SEMA3E: variants seen among roughly 807,000 people sequenced by gnomAD.
The protein encoded by SEMA3E is semaphorin-3E.
In SEMA3E, 49 loss-of-function variants were observed where a neutral mutation model predicts 93.6. The observed-to-expected ratio is 0.52, with a 90% CI of 0.42 to 0.66. The LOEUF (loss-of-function observed/expected upper bound fraction) is 0.66, where lower values mean the gene tolerates loss of function less well. SEMA3E is among the 30% of genes least tolerant of loss of function. The pLI, the probability that SEMA3E is intolerant of heterozygous loss-of-function variation, is 0.00. For missense variants in SEMA3E, 906 were observed against 964.8 expected, an observed-to-expected ratio of 0.94 and a Z score of 0.81; for synonymous variants, 363 against 330.7, an observed-to-expected ratio of 1.10 and a Z score of -1.06.
chr7:83,452,840 G>A (rs2115826039), intron 4 of SEMA3E, among the ~76,000 whole-genome samples: 1 of 152,182 alleles, frequency 6.6e-6, no homozygotes, highest in South Asian at 2.1e-4. Flanking sequence ...GACAGTGTCA[G>A]GCTCACCTTT....
intron 14 of SEMA3E, among the ~76,000 whole-genome samples, chr7:83,392,321 A>G (rs559101850): frequency 6.6e-6 from 1 of 152,168 alleles, no homozygotes; most frequent in Non-Finnish European, 1.5e-5. Context: ...TCGTTTCCAC[A>G]TTTTAACTTT....
chr7:83,451,514 T>C lies in SEMA3E; in HGVS notation c.456+14968A>G, dbSNP rs554215167. ...ATTCCATAGTTATTTACTACTAGATTCTAAGCACTTAAGGGTTTTGAGGAG... is the reference window on the plus strand; with the variant it reads ...ATTCCATAGTTATTTACTACTAGATCCTAAGCACTTAAGGGTTTTGAGGAG... On this transcript the variant is annotated intron_variant, in intron 4 of 16. Transcript: ENST00000643230. 7.0e-4 allele frequency among the ~76,000 whole-genome samples: 107 copies of C among 152,336 alleles called. 1 individual carries two copies. The highest frequency in any genetic ancestry group is 2.4e-3 in the African/African-American group (100 of 41,582).
chr7:83,502,956 T>A (rs531815541), intron 1 of SEMA3E, among the ~76,000 whole-genome samples: 1 of 151,944 alleles, frequency 6.6e-6, no homozygotes, highest in Non-Finnish European at 1.5e-5. Context: ...GCCGTAAGAA[T>A]CAAATGATTC....
At position 83,366,526 on chromosome 7, in the gene SEMA3E, T is replaced by C. The variant is rs879025558; in HGVS notation, c.*1060A>G. 6.6e-6 allele frequency: 1 copy of C among 152,104 alleles called. No individual in the cohort carries two copies. Among genetic ancestry groups the C allele is most frequent in the South Asian group, 2.1e-4 (1 of 4,830 alleles). The allele number at this position is 152,104 out of a possible 1,614,324, so 9.4% of individuals were successfully genotyped here. On this transcript the variant is annotated 3_prime_UTR_variant, in exon 17 of 17. Transcript: ENST00000643230. Reference sequence around the variant, plus strand: ...CAAATAAAACACGGTTGTTATAGTATATTTTAGATTTCAGCGAAGATTATT... The same window carrying C: ...CAAATAAAACACGGTTGTTATAGTACATTTTAGATTTCAGCGAAGATTATT...
intron 4 of SEMA3E, among the ~76,000 whole-genome samples, chr7:83,450,697 CAT>C (rs1431888652): frequency 6.7e-6 from 1 of 150,084 alleles, no homozygotes; most frequent in Admixed American, 6.7e-5. Flanking sequence ...GAAAAAAAAT[CAT>C]AGGTTATCTT....
chr7:83,490,240 A>G lies in SEMA3E; in HGVS notation c.150T>C (p.His50=). 2 of 1,612,906 alleles carry G rather than the reference A, an allele frequency of 1.2e-6. No individual in the cohort carries two copies. Among genetic ancestry groups the G allele is most frequent in the Non-Finnish European group, 1.7e-6 (2 of 1,179,404 alleles). Residue 50 remains histidine, a synonymous_variant, in exon 2 of 17, where the codon CAT becomes CAC. Coordinates refer to ENST00000643230, the MANE Select transcript of SEMA3E (RefSeq NM_012431.3). ...LLNLNRTSIF[H]SPFGFLDLHT... ...GGAGATCAAGAAATCCAAAAGGGCT[A>G]TGAAATATTGATGTTCTGTTCAGAT... is the stretch of plus-strand genomic sequence containing the variant.
At chr7:83,617,908 T>C (rs1254547563) in intron 1 of SEMA3E, among the ~76,000 whole-genome samples, 1 of 152,018 alleles carries the variant, frequency 6.6e-6, no homozygotes, top group Non-Finnish European at 1.5e-5. Context: ...TGTCCATTGC[T>C]CCTAAATAAA....
Position 83,618,668 on chromosome 7 carries a change from A to T in SEMA3E, c.115+29760T>A, listed in dbSNP as rs570195245. 2.0e-5 allele frequency among the ~76,000 whole-genome samples: 3 copies of T among 152,132 alleles called. No individual in the cohort carries two copies. The East Asian group carries it at 5.8e-4, about 29-fold the overall frequency. ...ATTTTTGTTGCTGTTGTTAAAATAA[A>T]ATAGCTTTACAGGCATTCTAATTAT... On this transcript the variant is annotated intron_variant, in intron 1 of 16. Coordinates refer to ENST00000643230, the MANE Select transcript of SEMA3E (RefSeq NM_012431.3).
At chr7:83,585,376 AT>A (rs778448119) in intron 1 of SEMA3E, among the ~76,000 whole-genome samples, 2 of 152,084 alleles carry the variant, frequency 1.3e-5, no homozygotes, top group African/African-American at 2.4e-5. Context: ...AAGGGCCAGC[AT>A]TTTCTTGTTT....
intron 1 of SEMA3E, among the ~76,000 whole-genome samples, chr7:83,561,237 T>C (rs1186289718): frequency 1.3e-5 from 2 of 152,044 alleles, no homozygotes; most frequent in African/African-American, 4.8e-5. Flanking sequence ...CGCACCTTGA[T>C]CTCTATAATC....
Position 83,598,903 on chromosome 7 carries a change from T to C in SEMA3E, c.115+49525A>G, listed in dbSNP as rs550203446. Among the ~76,000 whole-genome samples, 56 of 152,314 alleles carry C rather than the reference T, an allele frequency of 3.7e-4. 1 individual carries two copies. The highest frequency in any genetic ancestry group is 2.5e-4 in the Non-Finnish European group (17 of 68,022). ...ATCTTTATACCTCTTTGACATAAAA[T>C]ATGTGGCACTCATTAAATGTCAGTT... On this transcript the variant is annotated intron_variant, in intron 1 of 16. Transcript: ENST00000643230.
chr7:83,545,786 T>C (rs1437222571), intron 1 of SEMA3E, among the ~76,000 whole-genome samples: 2 of 146,086 alleles, frequency 1.4e-5, no homozygotes, highest in Non-Finnish European at 3.0e-5. Flanking sequence ...GTAGAATGTG[T>C]GTATATATAT....
intron 1 of SEMA3E, among the ~76,000 whole-genome samples, chr7:83,516,779 T>C (rs1387232618): frequency 6.6e-6 from 1 of 152,058 alleles, no homozygotes; most frequent in Non-Finnish European, 1.5e-5. Flanking sequence ...CTTCTTCCCC[T>C]GCTACGTTAT....
At chr7:83,420,299 T>C (rs1486476997) in intron 4 of SEMA3E, among the ~76,000 whole-genome samples, 3 of 152,052 alleles carry the variant, frequency 2.0e-5, no homozygotes, top group Non-Finnish European at 4.4e-5. Context: ...CAGAAAATCA[T>C]ATAGATGATA....
At chr7:83,511,616 G>A (rs1158150606) in intron 1 of SEMA3E, among the ~76,000 whole-genome samples, 1 of 152,126 alleles carries the variant, frequency 6.6e-6, no homozygotes, top group Non-Finnish European at 1.5e-5. Flanking sequence ...CTAGTGCGGT[G>A]GCTCATGCCT....
intron 4 of SEMA3E, among the ~76,000 whole-genome samples, chr7:83,434,473 T>C (rs920463899): frequency 3.3e-5 from 5 of 152,186 alleles, no homozygotes; most frequent in Non-Finnish European, 7.4e-5. Context: ...TGCTTTCAAC[T>C]TATCAATACA....
Position 83,494,143 on chromosome 7 carries a change from G to A in SEMA3E, c.116-3869C>T, listed in dbSNP as rs1790441938. ...ACAAATATATTTCTAGGGAGTAAGGGTAAGAGAAAAACAGTTAAGATGAGT... is the reference window on the plus strand; with the variant it reads ...ACAAATATATTTCTAGGGAGTAAGGATAAGAGAAAAACAGTTAAGATGAGT... On this transcript the variant is annotated intron_variant, in intron 1 of 16. Coordinates refer to ENST00000643230, the MANE Select transcript of SEMA3E (RefSeq NM_012431.3). 2.0e-5 allele frequency among the ~76,000 whole-genome samples: 3 copies of A among 151,710 alleles called. No individual in the cohort carries two copies. The South Asian group carries it at 6.2e-4, about 31-fold the overall frequency.
At chr7:83,512,719 A>G (rs957027004) in intron 1 of SEMA3E, among the ~76,000 whole-genome samples, 3 of 152,206 alleles carry the variant, frequency 2.0e-5, no homozygotes, top group African/African-American at 7.2e-5. Context: ...CAACATAGCT[A>G]TTATATTTCT....
intron 1 of SEMA3E, among the ~76,000 whole-genome samples, chr7:83,548,466 C>A (rs1057304609): frequency 6.6e-6 from 1 of 152,002 alleles, no homozygotes. Flanking sequence ...CTCTGAGACT[C>A]CACTAAACAG....
Sources: gnomAD v4.1 joint callset for allele counts (sites outside exome capture counted in the v4.1 genomes callset) on GRCh38, gnomAD v4.1.1 for gene constraint, MANE v1.5 for transcripts, NCBI Gene and HGNC (gene_info 2026-07-23, HGNC 2026-07-21) for gene names.